The following FAM228A variants were observed in gnomAD, a reference collection of about 807,000 sequenced individuals.
FAM228A encodes the protein protein FAM228A.
In FAM228A, 13 loss-of-function variants were observed where a neutral mutation model predicts 18.6. The observed-to-expected ratio is 0.70, with a 90% confidence interval of 0.45 to 1.11. The LOEUF is 1.11. Ranked by LOEUF, FAM228A falls within the 50% of genes least tolerant of loss-of-function variation. The pLI, the probability that FAM228A is intolerant of heterozygous loss-of-function variation, is 0.00. For synonymous variants in FAM228A, 77 were observed against 86.6 expected (o/e 0.89, Z 0.61); for missense variants, 240 against 242.2 (o/e 0.99, Z 0.06).
At chr2:24,180,906 G>C (rs1245645089) in intron 3 of FAM228A, among the ~76,000 whole-genome samples, 1 of 152,074 alleles carries the variant, frequency 6.6e-6, no homozygotes, top group Admixed American at 6.6e-5. Flanking sequence ...GAAAGAGGTG[G>C]GGTATTTGGC....
intron 5 of FAM228A, among the ~76,000 whole-genome samples, chr2:24,183,907 C>T (rs1006727267): frequency 1.3e-5 from 2 of 152,162 alleles, no homozygotes; most frequent in East Asian, 1.9e-4. Flanking sequence ...CTTCTCCCTG[C>T]CCCAGAGCTC....
intron 3 of FAM228A, among the ~76,000 whole-genome samples, chr2:24,180,411 C>T (rs1352652426): frequency 6.6e-6 from 1 of 152,038 alleles, no homozygotes; most frequent in African/African-American, 2.4e-5. Flanking sequence ...ATGATCGTGT[C>T]ACTGCAGTCC....
At chr2:24,188,461 G>A (rs1441317980) in intron 5 of FAM228A, 6 of 985,234 alleles carry the variant, frequency 6.1e-6, no homozygotes, top group Non-Finnish European at 7.2e-6. Context: ...CTGTACTCGG[G>A]GCCTGGAGAG....
intron 2 of FAM228A, 105 bp downstream of exon 2, chr2:24,175,678 C>A: frequency 2.2e-6 from 2 of 906,218 alleles, no homozygotes; most frequent in Non-Finnish European, 3.5e-6. Context: ...TGTGACAGTG[C>A]CTGCTTTAAA....
chr2:24,185,844 T>C (rs1573807540), intron 5 of FAM228A, among the ~76,000 whole-genome samples: 1 of 152,162 alleles, frequency 6.6e-6, no homozygotes, highest in East Asian at 1.9e-4. Flanking sequence ...AGATCTTTGT[T>C]TAGATTTATT....
intron 3 of FAM228A, among the ~76,000 whole-genome samples, chr2:24,182,280 T>A (rs985970659): frequency 6.6e-6 from 1 of 152,236 alleles, no homozygotes; most frequent in Non-Finnish European, 1.5e-5. Context: ...GCTCTGAAGA[T>A]GGAAGTGGTT....
chr2:24,191,066 T>A lies in FAM228A; in HGVS notation c.*435T>A. ...CAAAAAATTAGGGCAAGATGAGATT[T>A]TTTGATATTTAAAAGGTATTTTTAT... On this transcript the variant is annotated 3_prime_UTR_variant, in exon 6 of 6. Transcript: ENST00000295150. 1 of 988,510 alleles carries A rather than the reference T, an allele frequency of 1.0e-6. No homozygotes were observed. The highest frequency in any genetic ancestry group is 1.2e-6 in the Non-Finnish European group (1 of 832,016). The allele number at this position is 988,510 out of a possible 1,614,324, so 61.2% of individuals were successfully genotyped here.
At chr2:24,189,656 G>A (rs1220310639) in intron 5 of FAM228A, among the ~76,000 whole-genome samples, 1 of 152,164 alleles carries the variant, frequency 6.6e-6, no homozygotes, top group East Asian at 1.9e-4. Flanking sequence ...TCCCTCAATA[G>A]GGCTAGGCTT....
intron 1 of FAM228A, 76 bp from the exon 2 acceptor site, chr2:24,175,391 C>T (rs1005746698): frequency 9.6e-7 from 1 of 1,045,354 alleles, no homozygotes. Flanking sequence ...GGGATTTGAA[C>T]ACTCCCTGAG....
chr2:24,185,332 G>A (rs1171136739), intron 5 of FAM228A, among the ~76,000 whole-genome samples: 1 of 151,930 alleles, frequency 6.6e-6, no homozygotes, highest in Non-Finnish European at 1.5e-5. Flanking sequence ...TAATTTCCAG[G>A]TTCTCTATCC....
intron 1 of FAM228A, 121 bp from the exon 2 acceptor site, chr2:24,175,346 G>T (rs573544890): frequency 2.5e-5 from 18 of 727,200 alleles, no homozygotes; most frequent in Admixed American, 7.4e-5. Flanking sequence ...CAGTTTGTTG[G>T]GTGACTCGGC....
intron 2 of FAM228A, chr2:24,176,148 A>T (rs892627600): frequency 1.0e-6 from 1 of 984,046 alleles, no homozygotes; most frequent in Non-Finnish European, 1.2e-6. Context: ...TTAAACAAAG[A>T]TTATTTGAGA....
In FAM228A at chr2:24,183,620, G is replaced by A; in HGVS notation, c.376G>A (p.Ala126Thr). Residue 126 changes from alanine (A) to threonine (T), a missense_variant, in exon 5 of 6, where the codon GCC (alanine) becomes ACC (threonine). Transcript: ENST00000295150. ...AGAGTGGCATAAAGCCTCTGCAAGA[G>A]CCAGGAGTAAAACTTACAAATACAG... is the stretch of plus-strand genomic sequence containing the variant. ...PKEWHKASAR[A>T]RSKTYKYSPE... 1.2e-6 allele frequency: 2 copies of A among 1,608,022 alleles called. No homozygotes were observed. Among genetic ancestry groups the A allele is most frequent in the Non-Finnish European group, 1.7e-6 (2 of 1,177,974 alleles).
At chr2:24,183,447 A>C (rs567117812) in intron 4 of FAM228A, 48 bp from the exon 5 acceptor site, 1 of 1,608,062 alleles carries the variant, frequency 6.2e-7, no homozygotes, top group South Asian at 1.1e-5. Context: ...TTCAAGAGCA[A>C]CTGGAGTTCT....
intron 3 of FAM228A, 128 bp downstream of exon 3, chr2:24,177,998 C>G: frequency 3.3e-6 from 2 of 604,010 alleles, no homozygotes; most frequent in Non-Finnish European, 5.7e-6. Context: ...TGAGGATCCT[C>G]TAATTTACTT....
Position 24,190,486 on chromosome 2 carries a change from C to T in FAM228A, c.476C>T (p.Ala159Val). The change falls in exon 6 of 6, where the codon GCG (alanine) becomes GTG (valine). Residue 159 changes from alanine (A) to valine (V), a missense_variant. Ala to Val is a moderately conservative substitution (Grantham distance 64). Transcript: ENST00000295150. ...EKKTADLSQA[A>V]FERQFLSSKL... ...AAGACGGCCGACCTAAGTCAGGCTG[C>T]GTTTGAAAGGCAGTTCCTTTCCTCA... is the stretch of plus-strand genomic sequence containing the variant. The T allele has an allele frequency of 1.9e-6, 3 of 1,614,152 alleles. No individual in the cohort carries two copies. Among genetic ancestry groups the T allele is most frequent in the African/African-American group, 1.3e-5 (1 of 75,048 alleles).
At chr2:24,178,047 G>C (rs984744105) in intron 3 of FAM228A, among the ~76,000 whole-genome samples, 177 bp downstream of exon 3, 2 of 152,124 alleles carry the variant, frequency 1.3e-5, no homozygotes. Flanking sequence ...CCCCCTTCTT[G>C]CAGGATCACT....
At chr2:24,187,762 T>G (rs1014507039) in intron 5 of FAM228A, among the ~76,000 whole-genome samples, 1 of 152,248 alleles carries the variant, frequency 6.6e-6, no homozygotes, top group Admixed American at 6.5e-5. Context: ...AGTTATTTTC[T>G]TTCAACATAT....
intron 3 of FAM228A, among the ~76,000 whole-genome samples, chr2:24,181,049 G>T (rs1360974653): frequency 2.8e-5 from 4 of 140,472 alleles, no homozygotes; most frequent in Non-Finnish European, 6.2e-5. Flanking sequence ...ACCTAAGGAC[G>T]GACTTTCTTG....
Sources: allele counts gnomAD v4.1 joint callset (sites outside exome capture counted in the v4.1 genomes callset), GRCh38; gene constraint gnomAD v4.1.1; transcripts MANE v1.5; gene names NCBI Gene and HGNC (gene_info 2026-07-23, HGNC 2026-07-21).